SHC2: variants seen among roughly 807,000 people sequenced by gnomAD.
SHC2 encodes the protein SHC-transforming protein 2.
In SHC2, 62 loss-of-function variants were observed where a neutral mutation model predicts 60.6. That is an observed-to-expected ratio of 1.02 (90% CI 0.83 to 1.26). The LOEUF is 1.26. SHC2 is among the 50% of genes most tolerant of loss of function. SHC2 has a pLI of 0.00. For synonymous variants in SHC2, 375 were observed against 372.4 expected (o/e 1.01, Z -0.08); for missense variants, 873 against 822.2 (o/e 1.06, Z -0.76).
chr19:420,119 C>T (rs1372328771), intron 11 of SHC2, among the ~76,000 whole-genome samples: 5 of 152,178 alleles, frequency 3.3e-5, no homozygotes, highest in Admixed American at 1.3e-4. Flanking sequence ...TAGTGGCTGC[C>T]GGTCTGACCC....
At chr19:439,643 G>A (rs1038131400) in intron 2 of SHC2, among the ~76,000 whole-genome samples, 3 of 152,210 alleles carry the variant, frequency 2.0e-5, no homozygotes, top group Admixed American at 6.5e-5. Context: ...CACGGCCACT[G>A]TGGAAAACAG....
chr19:430,862 G>T, intron 8 of SHC2, 115 bp from the exon 9 acceptor site: 2 of 916,740 alleles, frequency 2.2e-6, no homozygotes, highest in East Asian at 5.3e-5. Flanking sequence ...GGGGTGGGGA[G>T]CACAGCCCTG....
rs551268398 is a variant in SHC2 at position 458,434 on chromosome 19, G to T, written c.468+2095C>A. 3.3e-3 allele frequency among the ~76,000 whole-genome samples: 459 copies of T among 137,366 alleles called. 12 individuals carry two copies. The highest frequency in any genetic ancestry group is 5.5e-3 in the Non-Finnish European group (343 of 62,068). 90.1% of individuals were successfully genotyped at this position (137,366 alleles called of 152,430 possible). On this transcript the variant is annotated intron_variant, in intron 1 of 12. Transcript: ENST00000264554. Reference sequence around the variant, plus strand: ...AGCGGGTCCTGGGGAGGCAGAAGCGGGTCTTGGGGAGGCGGAAGTGGGTTC... The same window carrying T: ...AGCGGGTCCTGGGGAGGCAGAAGCGTGTCTTGGGGAGGCGGAAGTGGGTTC...
chr19:431,884 C>G lies in SHC2; in HGVS notation c.1111-1137G>C, dbSNP rs76902052. 5.9e-4 allele frequency among the ~76,000 whole-genome samples: 16 copies of G among 27,262 alleles called. 1 individual carries two copies. The highest frequency in any genetic ancestry group is 2.6e-3 in the African/African-American group (16 of 6,222). The allele number at this position is 27,262 out of a possible 152,430, so 17.9% of individuals were successfully genotyped here. On this transcript the variant is annotated intron_variant, in intron 8 of 12. Coordinates refer to ENST00000264554, the MANE Select transcript of SHC2 (RefSeq NM_012435.3). ...ATCGTGAGTGAGAGTTAGAGGAGGC[C>G]GGGCAGATGGCGCTTCATCGTGAGT...
intron 1 of SHC2, among the ~76,000 whole-genome samples, chr19:451,425 A>G (rs903997771): frequency 4.6e-5 from 7 of 152,084 alleles, no homozygotes; most frequent in African/African-American, 7.2e-5. Flanking sequence ...GTGTTGATCC[A>G]CTCATCCATC....
chr19:435,149 G>A (rs758680964), intron 7 of SHC2, among the ~76,000 whole-genome samples: 13 of 152,202 alleles, frequency 8.5e-5, no homozygotes, highest in African/African-American at 1.7e-4. Flanking sequence ...GGCCCCGCCC[G>A]GCAGCAGAGG....
At chr19:456,523 T>C (rs1210997127) in intron 1 of SHC2, among the ~76,000 whole-genome samples, 1 of 152,092 alleles carries the variant, frequency 6.6e-6, no homozygotes, top group African/African-American at 2.4e-5. Flanking sequence ...ACACGGCCCC[T>C]GGAAGGGCTT....
rs537229407 is a variant in SHC2 at position 449,289 on chromosome 19, C to T, written c.469-8357G>A. On this transcript the variant is annotated intron_variant, in intron 1 of 12. Coordinates refer to ENST00000264554, the MANE Select transcript of SHC2 (RefSeq NM_012435.3). Reference sequence around the variant, plus strand: ...GCAAGGATCGCTTGAACCCAGGAGGCGGAGGTTGCAGTGAGCTGAGATGGC... The same window carrying T: ...GCAAGGATCGCTTGAACCCAGGAGGTGGAGGTTGCAGTGAGCTGAGATGGC... Among the ~76,000 whole-genome samples the T allele has an allele frequency of 2.8e-3, 422 of 151,736 alleles. 2 individuals are homozygous for T. The highest frequency in any genetic ancestry group is 4.9e-3 in the Non-Finnish European group (332 of 67,916).
chr19:438,646 C>A lies in SHC2; in HGVS notation c.720+72G>T. Reference sequence around the variant, plus strand: ...CCTGCTGCCCGCCCCCAGCACCCCACCTGGCTTTGCCTCCTAGGACTCCTG... The same window carrying A: ...CCTGCTGCCCGCCCCCAGCACCCCAACTGGCTTTGCCTCCTAGGACTCCTG... On this transcript the variant is annotated intron_variant, in intron 4 of 12. Coordinates refer to ENST00000264554, the MANE Select transcript of SHC2 (RefSeq NM_012435.3). The surrounding 1 kb of genome is among the most constrained non-coding windows in gnomAD (Gnocchi z 5.0). The A allele has an allele frequency of 6.7e-7, 1 of 1,501,672 alleles. No individual in the cohort carries two copies. The highest frequency in any genetic ancestry group is 8.9e-7 in the Non-Finnish European group (1 of 1,119,648). 93.0% of individuals were successfully genotyped at this position (1,501,672 alleles called of 1,614,324 possible). A position where few individuals can be genotyped will look rare whatever the true frequency, so the allele number is the denominator to read the frequency against.
At chr19:423,670 G>A (rs1221473845) in intron 10 of SHC2, among the ~76,000 whole-genome samples, 1 of 151,826 alleles carries the variant, frequency 6.6e-6, no homozygotes, top group African/African-American at 2.4e-5. Flanking sequence ...TGGTCCTGGG[G>A]GGTCCTCCAG....
rs1047575531 is a variant in SHC2, at chr19:425,890, G to A, written c.1175-659C>T. On this transcript the variant is annotated intron_variant, in intron 9 of 12. Coordinates refer to ENST00000264554, the MANE Select transcript of SHC2 (RefSeq NM_012435.3). The surrounding 1 kb of genome is among the most constrained non-coding windows in gnomAD (Gnocchi z 4.1). ...CTAAAAATGCAAAAATTAGCTAGGCGTGGTGGTGGGCGCCTGCAATCCCAG... is the reference window on the plus strand; with the variant it reads ...CTAAAAATGCAAAAATTAGCTAGGCATGGTGGTGGGCGCCTGCAATCCCAG... 4.6e-5 allele frequency among the ~76,000 whole-genome samples: 7 copies of A among 152,212 alleles called. No homozygotes were observed. Among genetic ancestry groups the A allele is most frequent in the East Asian group, 1.9e-4 (1 of 5,176 alleles).
chr19:451,691 G>C (rs1389409618), intron 1 of SHC2, among the ~76,000 whole-genome samples: 1 of 152,132 alleles, frequency 6.6e-6, no homozygotes, highest in Non-Finnish European at 1.5e-5. Context: ...TCCACCTCTT[G>C]GGTTCAAGCG....
rs377199359 is a variant in SHC2, at chr19:430,833, T to C, written c.1111-86A>G. On this transcript the variant is annotated intron_variant, in intron 8 of 12. Transcript: ENST00000264554. ...CCCCCAGTCTCCCCGCCCGGCCCTC[T>C]TAGATGGCTGGAGACTTAGGGGTGG... The C allele has an allele frequency of 2.1e-4, 267 of 1,284,242 alleles. 1 individual carries two copies. The African/African-American group carries it at 3.6e-3, about 17-fold the overall frequency. The allele number at this position is 1,284,242 out of a possible 1,614,324, so 79.6% of individuals were successfully genotyped here. A position where few individuals can be genotyped will look rare whatever the true frequency, so the allele number is the denominator to read the frequency against.
At chr19:420,315 G>A (rs539611422) in intron 11 of SHC2, among the ~76,000 whole-genome samples, 1 of 152,100 alleles carries the variant, frequency 6.6e-6, no homozygotes, top group Non-Finnish European at 1.5e-5. Flanking sequence ...GTGCACAAGA[G>A]CCCCCACCTG....
intron 1 of SHC2, among the ~76,000 whole-genome samples, chr19:450,320 C>T (rs922629051): frequency 2.6e-5 from 4 of 152,210 alleles, no homozygotes; most frequent in East Asian, 3.9e-4. Context: ...GGCGCGTTTT[C>T]GTGTGCTTGC....
At chr19:419,291 T>C in intron 11 of SHC2, 3 of 488,454 alleles carry the variant, frequency 6.1e-6, no homozygotes, top group Non-Finnish European at 1.1e-5. Context: ...TGTCGGGAGC[T>C]GAAAGGTGAC....
At chr19:419,180 C>G (rs1974216699) in intron 11 of SHC2, 124 bp from the exon 12 acceptor site, 1 of 1,134,086 alleles carries the variant, frequency 8.8e-7, no homozygotes, top group East Asian at 2.8e-5. Context: ...GGGGCCGGAC[C>G]AGGGAATTCC....
chr19:436,599 G>T, intron 5 of SHC2, 31 bp downstream of exon 5: 2 of 1,597,830 alleles, frequency 1.3e-6, no homozygotes. Flanking sequence ...GGGCGGCAGG[G>T]CTGCAGGTCC....
Position 430,668 on chromosome 19 carries a change from C to T in SHC2, c.1174+16G>A. 6.2e-7 allele frequency: 1 copy of T among 1,611,096 alleles called. No individual in the cohort carries two copies. The highest frequency in any genetic ancestry group is 8.5e-7 in the Non-Finnish European group (1 of 1,178,838). ...GAATCCTCGTGGGTACCCCTTGCAG[C>T]CCCAGCCCATCCTACCTGTACCGGT... On this transcript the variant is annotated intron_variant, in intron 9 of 12. Coordinates refer to ENST00000264554, the MANE Select transcript of SHC2 (RefSeq NM_012435.3).
Sources: allele counts gnomAD v4.1 joint callset (sites outside exome capture counted in the v4.1 genomes callset), GRCh38; gene constraint gnomAD v4.1.1; non-coding constraint Gnocchi (gnomAD v3.1); transcripts MANE v1.5; gene names NCBI Gene and HGNC (gene_info 2026-07-23, HGNC 2026-07-21).